The following KCNK2 variants were observed in gnomAD, a reference collection of about 807,000 sequenced individuals.
KCNK2 encodes the protein potassium two pore domain channel subfamily K member 2.
KCNK2 carries 21 observed loss-of-function variants against 40.5 expected under a neutral mutation model. That is an observed-to-expected ratio of 0.52 (90% CI 0.37 to 0.75). The LOEUF (loss-of-function observed/expected upper bound fraction) is 0.75, where lower values mean the gene tolerates loss of function less well. Ranked by LOEUF, KCNK2 falls within the 30% of genes least tolerant of loss-of-function variation. The probability of loss-of-function intolerance (pLI) is 0.00; values close to 1 mark genes in which losing one functional copy is unlikely to be tolerated. For synonymous variants in KCNK2, 191 were observed against 202.2 expected (o/e 0.94, Z 0.47); for missense variants, 399 against 531.6 (o/e 0.75, Z 2.45).
chr1:215,117,929 C>T (rs1371070055), intron 2 of KCNK2, among the ~76,000 whole-genome samples: 1 of 152,098 alleles, frequency 6.6e-6, no homozygotes, highest in Non-Finnish European at 1.5e-5. Context: ...ATCATTAAGA[C>T]TGCCACATGT....
chr1:215,224,319 G>A (rs1174383912), intron 6 of KCNK2, among the ~76,000 whole-genome samples: 3 of 152,124 alleles, frequency 2.0e-5, no homozygotes, highest in Admixed American at 1.3e-4. Context: ...TACATGAAAC[G>A]GACTCTGGAC....
At chr1:215,140,193 C>T (rs957138422) in intron 3 of KCNK2, among the ~76,000 whole-genome samples, 8 of 152,114 alleles carry the variant, frequency 5.3e-5, no homozygotes, top group African/African-American at 1.9e-4. Flanking sequence ...TTGTCATTTA[C>T]AGTGGCTACT....
At chr1:215,211,076 T>C (rs1343262086) in intron 6 of KCNK2, among the ~76,000 whole-genome samples, 1 of 152,170 alleles carries the variant, frequency 6.6e-6, no homozygotes, top group Non-Finnish European at 1.5e-5. Flanking sequence ...ACATGAGTCG[T>C]ATCATGTTAT....
intron 6 of KCNK2, among the ~76,000 whole-genome samples, chr1:215,228,771 CTAT>C (rs1210090439): frequency 2.0e-5 from 3 of 152,136 alleles, no homozygotes; most frequent in African/African-American, 7.2e-5. Flanking sequence ...AGCATTATTT[CTAT>C]TAAGAAAAAA....
chr1:215,047,642 A>C (rs1456699195), intron 1 of KCNK2, among the ~76,000 whole-genome samples: 1 of 152,080 alleles, frequency 6.6e-6, no homozygotes, highest in African/African-American at 2.4e-5. Flanking sequence ...TAGTAGAAAA[A>C]CTTCAAATAT....
chr1:215,078,260 G>A (rs1206278565), upstream of KCNK2, among the ~76,000 whole-genome samples: 1 of 152,180 alleles, frequency 6.6e-6, no homozygotes, highest in Non-Finnish European at 1.5e-5. Context: ...GGAATTCATT[G>A]GTGTTCTTGC....
intron 1 of KCNK2, among the ~76,000 whole-genome samples, chr1:215,077,336 T>C (rs1571887025): frequency 6.6e-6 from 1 of 152,216 alleles, no homozygotes; most frequent in East Asian, 1.9e-4. Context: ...CTTCTAGGAA[T>C]ATGCCTACCC....
intron 1 of KCNK2, among the ~76,000 whole-genome samples, chr1:215,071,522 C>T (rs1658756914): frequency 6.6e-6 from 1 of 152,158 alleles, no homozygotes; most frequent in African/African-American, 2.4e-5. Context: ...ACTAGAAACA[C>T]ATCCCCATCT....
At chr1:215,188,544 G>T (rs1462756207) in intron 5 of KCNK2, among the ~76,000 whole-genome samples, 4 of 152,040 alleles carry the variant, frequency 2.6e-5, no homozygotes, top group African/African-American at 7.2e-5. Context: ...CAATTTAAGA[G>T]AATTTTATTA....
At chr1:215,167,110 G>A (rs1663480097) in intron 3 of KCNK2, among the ~76,000 whole-genome samples, 1 of 152,110 alleles carries the variant, frequency 6.6e-6, no homozygotes, top group South Asian at 2.1e-4. Context: ...GGGAAAATAT[G>A]TGGGTTAAAG....
chr1:215,104,943 T>C (rs1449867271), intron 2 of KCNK2, among the ~76,000 whole-genome samples: 2 of 152,062 alleles, frequency 1.3e-5, no homozygotes, highest in Admixed American at 6.6e-5. Flanking sequence ...CATCTATCCA[T>C]ATCTCTAAAA....
At chr1:215,061,508 A>G (rs1356117362) in intron 1 of KCNK2, among the ~76,000 whole-genome samples, 2 of 152,180 alleles carry the variant, frequency 1.3e-5, no homozygotes, top group African/African-American at 4.8e-5. Context: ...GTTAAAAGAA[A>G]AAAAATCTCC....
chr1:215,041,095 C>G (rs540398185), intron 1 of KCNK2, among the ~76,000 whole-genome samples: 78 of 152,274 alleles, frequency 5.1e-4, no homozygotes, highest in African/African-American at 1.8e-3. Flanking sequence ...CATTAGATGT[C>G]CAGCATCAGC....
At chr1:215,051,919 TAAGTA>T (rs1441886867) in intron 1 of KCNK2, among the ~76,000 whole-genome samples, 14 of 152,198 alleles carry the variant, frequency 9.2e-5, no homozygotes, top group Admixed American at 8.5e-4. Flanking sequence ...GATATTATTT[TAAGTA>T]AAGAATATGC....
chr1:215,032,407 C>CAAAACA (rs974307581), intron 1 of KCNK2, among the ~76,000 whole-genome samples: 5 of 151,572 alleles, frequency 3.3e-5, no homozygotes, highest in South Asian at 4.2e-4. Context: ...GATCCCATCT[C>CAAAACA]AAAACAAAAA....
At chr1:215,126,859 C>G (rs1372106247) in intron 3 of KCNK2, among the ~76,000 whole-genome samples, 1 of 152,074 alleles carries the variant, frequency 6.6e-6, no homozygotes, top group Non-Finnish European at 1.5e-5. Context: ...TTCTGAGTGA[C>G]CCACATGAGG....
chr1:215,093,753 A>T (rs1235999365), intron 2 of KCNK2, among the ~76,000 whole-genome samples: 2 of 76,262 alleles, frequency 2.6e-5, no homozygotes, highest in Non-Finnish European at 4.7e-5. Context: ...AAAATATATT[A>T]TATATTATAT....
intron 2 of KCNK2, among the ~76,000 whole-genome samples, chr1:215,115,704 C>T (rs1228559312): frequency 6.7e-6 from 1 of 148,248 alleles, no homozygotes; most frequent in Non-Finnish European, 1.5e-5. Context: ...TCTTCTTCTA[C>T]CTCCTTCTCT....
intron 1 of KCNK2, among the ~76,000 whole-genome samples, chr1:215,045,570 T>A (rs112982765): frequency 0.013 from 2,034 of 152,312 alleles, 45 homozygotes; most frequent in African/African-American, 0.046. Context: ...CCTAAATGCA[T>A]ATGAAATAAC....
Sources: allele counts gnomAD v4.1 joint callset (sites outside exome capture counted in the v4.1 genomes callset), GRCh38; gene constraint gnomAD v4.1.1; transcripts MANE v1.5; gene names NCBI Gene and HGNC (gene_info 2026-07-23, HGNC 2026-07-21).